The following PLEKHA5 variants were observed in gnomAD, a reference collection of about 807,000 sequenced individuals.
The protein encoded by PLEKHA5 is pleckstrin homology domain-containing family A member 5.
Under a neutral mutation model 181.9 loss-of-function variants are expected in PLEKHA5, and 55 were observed. That is an observed-to-expected ratio of 0.30 (90% CI 0.24 to 0.38). PLEKHA5 has a LOEUF of 0.38. Among genes scored for constraint, PLEKHA5 ranks in the 10% least tolerant of loss-of-function variants. PLEKHA5 has a pLI of 1.00. For synonymous variants in PLEKHA5, 535 were observed against 529.4 expected, an observed-to-expected ratio of 1.01 and a Z score of -0.15; for missense variants, 1,432 against 1,549.5, an observed-to-expected ratio of 0.92 and a Z score of 1.27.
intron 25 of PLEKHA5, among the ~76,000 whole-genome samples, chr12:19,351,659 G>C (rs1304540533): frequency 1.3e-5 from 2 of 151,918 alleles, no homozygotes; most frequent in Non-Finnish European, 2.9e-5. Flanking sequence ...AGGAGAGAAA[G>C]ATAATCCAAA....
At chr12:19,336,219 C>T (rs182356708) in intron 20 of PLEKHA5, among the ~76,000 whole-genome samples, 45 of 152,224 alleles carry the variant, frequency 3.0e-4, no homozygotes, top group Non-Finnish European at 3.8e-4. Flanking sequence ...TTCCAATATG[C>T]TAAAATACAA....
At chr12:19,166,316 T>C (rs2044362776) in intron 3 of PLEKHA5, among the ~76,000 whole-genome samples, 1 of 152,224 alleles carries the variant, frequency 6.6e-6, no homozygotes. Context: ...AAACATACTG[T>C]AGTTATTTAA....
chr12:19,209,390 A>T (rs2056437926), intron 3 of PLEKHA5, among the ~76,000 whole-genome samples: 1 of 152,200 alleles, frequency 6.6e-6, no homozygotes, highest in African/African-American at 2.4e-5. Flanking sequence ...GGAAAAAATA[A>T]ATCTTGTTCA....
intron 3 of PLEKHA5, among the ~76,000 whole-genome samples, chr12:19,251,412 AAAAAAAAAAG>A (rs2065247685): frequency 6.6e-6 from 1 of 151,754 alleles, no homozygotes; most frequent in African/African-American, 2.4e-5. Flanking sequence ...GTCTCAAAAA[AAAAAAAAAAG>A]AAAAGAAAAG....
intron 3 of PLEKHA5, among the ~76,000 whole-genome samples, chr12:19,218,944 A>ATTTTTTTTTTTT (rs1226278651): frequency 7.6e-6 from 1 of 131,662 alleles, no homozygotes; most frequent in African/African-American, 2.8e-5. Context: ...TTTTTTTTTA[A>ATTTTTTTTTTTT]TTTTTTTTTT....
At chr12:19,241,600 T>C (rs2062618741) in intron 3 of PLEKHA5, among the ~76,000 whole-genome samples, 1 of 151,976 alleles carries the variant, frequency 6.6e-6, no homozygotes, top group African/African-American at 2.4e-5. Context: ...CTACTAAAAA[T>C]ACACAGATTA....
At chr12:19,283,042 G>A (rs2076507532) in intron 11 of PLEKHA5, among the ~76,000 whole-genome samples, 1 of 150,728 alleles carries the variant, frequency 6.6e-6, no homozygotes, top group African/African-American at 2.4e-5. Context: ...AGCTACCCAG[G>A]AGGCTGAGGC....
intron 20 of PLEKHA5, among the ~76,000 whole-genome samples, chr12:19,336,076 T>C (rs563562032): frequency 1.5e-4 from 23 of 152,286 alleles, no homozygotes; most frequent in African/African-American, 5.1e-4. Flanking sequence ...AGATGGATAA[T>C]AGTGTCTATA....
At chr12:19,140,930 A>G (rs1002238043) in intron 3 of PLEKHA5, among the ~76,000 whole-genome samples, 1 of 152,268 alleles carries the variant, frequency 6.6e-6, no homozygotes, top group Non-Finnish European at 1.5e-5. Context: ...CTGGGATTAC[A>G]GGTGGCCCGC....
Position 19,260,274 on chromosome 12 carries a change from A to G in PLEKHA5, c.538-675A>G, listed in dbSNP as rs558644365. On this transcript the variant is annotated intron_variant, in intron 6 of 31. Coordinates refer to ENST00000429027, the MANE Select transcript of PLEKHA5 (RefSeq NM_001256470.2). Reference sequence around the variant, plus strand: ...TCACATATTTCTCTTCTTGTTGAAGATTAACATATTTATTAAATCTGGTTT... The same window carrying G: ...TCACATATTTCTCTTCTTGTTGAAGGTTAACATATTTATTAAATCTGGTTT... Among the ~76,000 whole-genome samples, 52 of 152,338 alleles carry G rather than the reference A, an allele frequency of 3.4e-4. No individual in the cohort carries two copies. The South Asian group carries it at 0.011, about 31-fold the overall frequency.
At chr12:19,132,529 A>G in intron 3 of PLEKHA5, 79 bp downstream of exon 3, 3 of 731,908 alleles carry the variant, frequency 4.1e-6, no homozygotes, top group Non-Finnish European at 7.2e-6. Flanking sequence ...TTGTATGTCC[A>G]GTCTTGATCA....
intron 3 of PLEKHA5, among the ~76,000 whole-genome samples, chr12:19,235,286 T>C (rs940019002): frequency 3.3e-5 from 5 of 152,230 alleles, no homozygotes; most frequent in African/African-American, 7.2e-5. Context: ...GCACCAGTTA[T>C]GTTGCGTGCT....
At chr12:19,248,270 T>A (rs948658588) in intron 3 of PLEKHA5, among the ~76,000 whole-genome samples, 3 of 152,178 alleles carry the variant, frequency 2.0e-5, no homozygotes, top group Admixed American at 2.0e-4. Flanking sequence ...CTATCTCAAC[T>A]CACTGCAGCC....
intron 15 of PLEKHA5, among the ~76,000 whole-genome samples, chr12:19,310,636 G>A (rs2086152411): frequency 6.9e-6 from 1 of 145,650 alleles, no homozygotes; most frequent in African/African-American, 2.5e-5. Context: ...AAGAATGCAG[G>A]CTAGGCACAG....
In PLEKHA5 at chr12:19,292,502, T is replaced by G. The variant is rs797004657; in HGVS notation, c.2037+805T>G. Reference sequence around the variant, plus strand: ...AGTGGAGGTGATTTGCAGTTGCCTGTCCTTATTCCCTGTTTGCTGTGTACT... The same window carrying G: ...AGTGGAGGTGATTTGCAGTTGCCTGGCCTTATTCCCTGTTTGCTGTGTACT... On this transcript the variant is annotated intron_variant, in intron 15 of 31. Transcript: ENST00000429027. Among the ~76,000 whole-genome samples, 7 of 152,178 alleles carry G rather than the reference T, an allele frequency of 4.6e-5. 1 individual carries two copies. Among genetic ancestry groups the G allele is most frequent in the African/African-American group, 1.4e-4 (6 of 41,504 alleles).
At chr12:19,262,633 T>C (rs954102225) in intron 7 of PLEKHA5, among the ~76,000 whole-genome samples, 7 of 152,192 alleles carry the variant, frequency 4.6e-5, no homozygotes, top group African/African-American at 1.7e-4. Flanking sequence ...TCATCACTTT[T>C]ACTATAATAG....
Position 19,376,229 on chromosome 12 carries a change from A to G in PLEKHA5, c.*710A>G, listed in dbSNP as rs2095703877. The stretch of plus-strand genomic sequence containing the variant: ...GGAATACATGTGTACAGCAATAAGC[A>G]GGTTTCCAAATCCGGTACTTAGTTT... On this transcript the variant is annotated 3_prime_UTR_variant, in exon 32 of 32. Transcript: ENST00000429027. 6.6e-6 allele frequency: 1 copy of G among 152,500 alleles called. No individual in the cohort carries two copies. The highest frequency in any genetic ancestry group is 2.4e-5 in the African/African-American group (1 of 41,428). 9.4% of individuals were successfully genotyped at this position (152,500 alleles called of 1,614,324 possible).
intron 3 of PLEKHA5, among the ~76,000 whole-genome samples, chr12:19,196,348 G>A (rs557200170): frequency 6.6e-6 from 1 of 152,126 alleles, no homozygotes; most frequent in Non-Finnish European, 1.5e-5. Flanking sequence ...ATTGTTAAAT[G>A]CATATAGTGA....
At position 19,353,913 on chromosome 12, in the gene PLEKHA5, C is replaced by T. The variant is rs142892135; in HGVS notation, c.3049C>T (p.Pro1017Ser). The change falls in exon 26 of 32, where the codon CCA (proline) becomes TCA (serine). Residue 1017 changes from proline (P) to serine (S), a missense_variant. This residue lies in a region of PLEKHA5 where 1,143 missense variants were observed against 1,168.4 expected (regional missense o/e 0.98). Coordinates refer to ENST00000429027, the MANE Select transcript of PLEKHA5 (RefSeq NM_001256470.2). ...CCACTTTCCTGTTGGAGTAGTCCCT[C>T]CAAGAGCAAAATCACCAACACCCGA... Reference protein sequence around the residue: ...GSHFPVGVVPPRAKSPTPESS... With the variant: ...GSHFPVGVVPSRAKSPTPESS... The T allele has an allele frequency of 1.7e-5, 28 of 1,607,164 alleles. No homozygotes were observed. The African/African-American group carries it at 2.9e-4, about 17-fold the overall frequency.
Sources: gnomAD v4.1 joint callset for allele counts (sites outside exome capture counted in the v4.1 genomes callset) on GRCh38, gnomAD v4.1.1 for gene constraint, gnomAD v4.1.1 regional missense constraint, MANE v1.5 for transcripts, NCBI Gene and HGNC (gene_info 2026-07-23, HGNC 2026-07-21) for gene names.